PPP6R3: variants seen among roughly 807,000 people sequenced by gnomAD.
The protein encoded by PPP6R3 is protein phosphatase 6 regulatory subunit 3.
PPP6R3 carries 38 observed loss-of-function variants against 110.7 expected under a neutral mutation model. That is an observed-to-expected ratio of 0.34 (90% CI 0.26 to 0.45). The LOEUF (loss-of-function observed/expected upper bound fraction) is 0.45. Ranked by LOEUF, PPP6R3 falls within the 20% of genes least tolerant of loss-of-function variation. PPP6R3 has a pLI of 1.00. For synonymous variants in PPP6R3, 369 were observed against 373.5 expected (o/e 0.99, Z 0.14); for missense variants, 870 against 1,062.4 (o/e 0.82, Z 2.52).
At position 68,544,846 on chromosome 11, in the gene PPP6R3, A is replaced by G. The variant is rs2099342896; in HGVS notation, c.236A>G (p.Asn79Ser). The G allele has an allele frequency of 1.9e-6, 3 of 1,591,228 alleles. No homozygotes were observed. The highest frequency in any genetic ancestry group is 2.6e-6 in the Non-Finnish European group (3 of 1,161,262). The change falls in exon 4 of 24, where the codon AAT becomes AGT. Residue 79 changes from asparagine (N) to serine (S), a missense_variant. By Grantham distance (46) the Asn-to-Ser change is conservative (BLOSUM62 1). Transcript: ENST00000393800. ...ATATCCTGTTCTTCTAGGTATCCAA[A>G]TATATCTTGTGAGTTGCTCACTTCT... ...MDEKIRYKYP[N>S]ISCELLTSDV... is the part of the protein sequence containing the mutation.
chr11:68,599,300 G>C (rs777983626), intron 19 of PPP6R3, among the ~76,000 whole-genome samples: 4 of 152,232 alleles, frequency 2.6e-5, no homozygotes, highest in Non-Finnish European at 5.9e-5. Context: ...TGTGCAGTTA[G>C]AGCAGATCCA....
chr11:68,570,911 A>G, intron 11 of PPP6R3, 129 bp from the exon 12 acceptor site: 3 of 1,164,994 alleles, frequency 2.6e-6, no homozygotes, highest in Non-Finnish European at 3.5e-6. Context: ...ATCACATTGC[A>G]TTTGGCTTAG....
intron 18 of PPP6R3, among the ~76,000 whole-genome samples, chr11:68,592,828 G>C (rs2099599672): frequency 1.3e-5 from 2 of 152,128 alleles, no homozygotes; most frequent in African/African-American, 4.8e-5. Context: ...TTCTTATGTT[G>C]AATGGATTCA....
chr11:68,478,978 A>G (rs2098872347), intron 1 of PPP6R3, among the ~76,000 whole-genome samples: 1 of 152,128 alleles, frequency 6.6e-6, no homozygotes, highest in African/African-American at 2.4e-5. Flanking sequence ...ATTTTATACA[A>G]TATTTTCATA....
At chr11:68,573,114 TTATATA>T (rs60848718) in intron 12 of PPP6R3, among the ~76,000 whole-genome samples, 2,672 of 61,742 alleles carry the variant, frequency 0.043, 118 homozygotes, top group East Asian at 0.065. Context: ...TTTACTTATT[TTATATA>T]TATATATATA....
chr11:68,579,210 G>A (rs941230553), intron 14 of PPP6R3, among the ~76,000 whole-genome samples: 16 of 152,170 alleles, frequency 1.1e-4, no homozygotes, highest in Admixed American at 7.9e-4. Flanking sequence ...GGGGTCCTCA[G>A]TGGGACCATA....
intron 22 of PPP6R3, 108 bp from the exon 23 acceptor site, chr11:68,609,796 C>T (rs1353374187): frequency 1.1e-5 from 17 of 1,575,458 alleles, no homozygotes; most frequent in Non-Finnish European, 8.7e-7. Flanking sequence ...GATGCTTTGC[C>T]TCCGCGGCAG....
intron 15 of PPP6R3, among the ~76,000 whole-genome samples, chr11:68,585,005 T>C (rs2099573750): frequency 6.6e-6 from 1 of 152,246 alleles, no homozygotes; most frequent in African/African-American, 2.4e-5. Context: ...GTTTGTAGAC[T>C]TGAACTTCAA....
chr11:68,544,548 CG>C (rs1565733549), intron 3 of PPP6R3, among the ~76,000 whole-genome samples: 1 of 152,178 alleles, frequency 6.6e-6, no homozygotes, highest in Non-Finnish European at 1.5e-5. Flanking sequence ...GGAGAAGGCC[CG>C]GGCCCTGCAG....
intron 1 of PPP6R3, among the ~76,000 whole-genome samples, chr11:68,507,809 T>C (rs1306382653): frequency 6.6e-6 from 1 of 152,232 alleles, no homozygotes; most frequent in East Asian, 1.9e-4. Context: ...TTTAGTTGTG[T>C]ATGATATGTG....
At chr11:68,587,454 TC>T (rs2153836593) in intron 15 of PPP6R3, 1 of 173,458 alleles carries the variant, frequency 5.8e-6, no homozygotes, top group East Asian at 1.6e-4. Flanking sequence ...ATGCTTGTGT[TC>T]ATCAGTCGGT....
chr11:68,539,275 T>C (rs1244480008), intron 3 of PPP6R3, among the ~76,000 whole-genome samples: 2 of 152,212 alleles, frequency 1.3e-5, no homozygotes, highest in Non-Finnish European at 2.9e-5. Context: ...GCAGGGAGCT[T>C]ACCCTTCTTG....
chr11:68,608,159 AC>A (rs1941361522), intron 22 of PPP6R3, among the ~76,000 whole-genome samples: 4 of 152,190 alleles, frequency 2.6e-5, no homozygotes, highest in Admixed American at 2.6e-4. Context: ...CTGATGGCAA[AC>A]TGAAAAAAAC....
intron 1 of PPP6R3, among the ~76,000 whole-genome samples, chr11:68,471,846 C>T (rs2098794144): frequency 6.6e-6 from 1 of 151,288 alleles, no homozygotes; most frequent in South Asian, 2.1e-4. Flanking sequence ...CATCCATGGG[C>T]TCCTCCCTGG....
intron 10 of PPP6R3, among the ~76,000 whole-genome samples, chr11:68,569,243 G>T (rs555291395): frequency 6.6e-6 from 1 of 152,034 alleles, no homozygotes; most frequent in African/African-American, 2.4e-5. Flanking sequence ...CAGATAGCAC[G>T]CCATTTAGGC....
chr11:68,488,326 C>G (rs958661275), intron 1 of PPP6R3, among the ~76,000 whole-genome samples: 4 of 152,028 alleles, frequency 2.6e-5, no homozygotes, highest in Non-Finnish European at 4.4e-5. Context: ...TGCCACCACA[C>G]CCAGCTAATT....
intron 10 of PPP6R3, among the ~76,000 whole-genome samples, chr11:68,569,098 C>T (rs1040579865): frequency 3.3e-5 from 5 of 152,130 alleles, no homozygotes; most frequent in Admixed American, 1.3e-4. Flanking sequence ...AAATTTACCA[C>T]GCTAACTATT....
At chr11:68,493,887 G>C (rs2098999131) in intron 1 of PPP6R3, among the ~76,000 whole-genome samples, 1 of 151,046 alleles carries the variant, frequency 6.6e-6, no homozygotes, top group Non-Finnish European at 1.5e-5. Flanking sequence ...TGGATCACAA[G>C]GTAAGGAGAT....
intron 2 of PPP6R3, among the ~76,000 whole-genome samples, chr11:68,529,984 A>G (rs894120253): frequency 2.6e-5 from 4 of 152,234 alleles, no homozygotes; most frequent in Non-Finnish European, 5.9e-5. Flanking sequence ...AACATCTGAA[A>G]TGTAGCTGGT....
Sources: gnomAD v4.1 joint callset for allele counts (sites outside exome capture counted in the v4.1 genomes callset) on GRCh38, gnomAD v4.1.1 for gene constraint, MANE v1.5 for transcripts, NCBI Gene and HGNC (gene_info 2026-07-23, HGNC 2026-07-21) for gene names.